PHGR1: variants seen among roughly 807,000 people sequenced by gnomAD.
PHGR1 encodes proline, histidine and glycine-rich protein 1.
Under a neutral mutation model 4.9 loss-of-function variants are expected in PHGR1, and 3 were observed. That is an observed-to-expected ratio of 0.61 (90% CI 0.28 to 1.58). The LOEUF (loss-of-function observed/expected upper bound fraction) is 1.58, where lower values mean the gene tolerates loss of function less well. Ranked by LOEUF, PHGR1 falls within the 40% of genes most tolerant of loss-of-function variation. The pLI, the probability that PHGR1 is intolerant of heterozygous loss-of-function variation, is 0.11. For synonymous variants in PHGR1, 32 were observed against 46.1 expected (o/e 0.69, Z 1.24); for missense variants, 81 against 118.7 (o/e 0.68, Z 1.48).
rs142731220 is a variant in PHGR1, at chr15:40,356,001, GA to G, written c.19-71del. 4,044 of 1,458,504 alleles carry G rather than the reference GA, an allele frequency of 2.8e-3. 103 individuals carry two copies. In the African/African-American group the frequency reaches 0.05, roughly 18 times the overall value. The allele number at this position is 1,458,504 out of a possible 1,614,324, so 90.3% of individuals were successfully genotyped here. On this transcript the variant is annotated intron_variant, in intron 3 of 3. Coordinates refer to ENST00000448599, the MANE Select transcript of PHGR1 (RefSeq NM_001145643.2). The stretch of plus-strand genomic sequence containing the variant: ...CCTGAGTCCCCCAGGGAAGTGGAGT[GA>G]GGGAGAGCTGATCTCAGGTAAGCTT...
At chr15:40,351,622 C>T (rs1030565009) in intron 1 of PHGR1, among the ~76,000 whole-genome samples, 8 of 152,160 alleles carry the variant, frequency 5.3e-5, no homozygotes, top group African/African-American at 1.9e-4. Flanking sequence ...AAATGGGTAG[C>T]TCAAGAGGTG....
At chr15:40,355,885 C>T (rs1436167578) in intron 3 of PHGR1, among the ~76,000 whole-genome samples, 188 bp from the exon 4 acceptor site, 1 of 152,224 alleles carries the variant, frequency 6.6e-6, no homozygotes, top group African/African-American at 2.4e-5. Context: ...CTTTTATCTG[C>T]TCAGTGTTCT....
At chr15:40,352,819 C>A (rs191957933) in intron 1 of PHGR1, among the ~76,000 whole-genome samples, 1 of 152,310 alleles carries the variant, frequency 6.6e-6, no homozygotes, top group African/African-American at 2.4e-5. Context: ...ACAAGCATAC[C>A]ATGACCTGGC....
chr15:40,354,374 T>A (rs1889256107), intron 3 of PHGR1, 22 bp downstream of exon 3: 1 of 1,533,270 alleles, frequency 6.5e-7, no homozygotes, highest in Non-Finnish European at 8.7e-7. Context: ...CCCCCAATGG[T>A]CTCCCCTTTT....
chr15:40,354,658 C>T (rs1889262040), intron 3 of PHGR1, among the ~76,000 whole-genome samples: 1 of 152,216 alleles, frequency 6.6e-6, no homozygotes, highest in Admixed American at 6.5e-5. Flanking sequence ...CCCGCCTGTG[C>T]TATGCTTTTC....
chr15:40,353,447 A>G, intron 2 of PHGR1, 180 bp downstream of exon 2: 2 of 736,836 alleles, frequency 2.7e-6, no homozygotes, highest in Non-Finnish European at 4.5e-6. Flanking sequence ...ACTGTAGAAC[A>G]TGTTACAGTT....
chr15:40,353,722 T>G, intron 2 of PHGR1: 1 of 189,862 alleles, frequency 5.3e-6, no homozygotes, highest in Admixed American at 5.4e-5. Flanking sequence ...ACCACTCAGG[T>G]GGGTGCTGCA....
rs1889292768 is a variant in PHGR1 at position 40,356,142 on chromosome 15, G to A, written c.88G>A (p.Gly30Arg). 6.5e-7 allele frequency: 1 copy of A among 1,543,910 alleles called. No homozygotes were observed. Among genetic ancestry groups the A allele is most frequent in the Non-Finnish European group, 8.7e-7 (1 of 1,143,560 alleles). ...CGGGCCACCCCCTGGCCATGGCCCAGGGCCCTGCGGGCCACCCCCCCACCA... is the reference window on the plus strand; with the variant it reads ...CGGGCCACCCCCTGGCCATGGCCCAAGGCCCTGCGGGCCACCCCCCCACCA... The part of the protein sequence containing the change: ...HCGPPPGHGP[G>R]PCGPPPHHGP... The change falls in exon 4 of 4, where the codon GGG (glycine) becomes AGG (arginine). Residue 30 changes from glycine to arginine, a missense_variant. By Grantham distance (125) the Gly-to-Arg change is moderately radical (BLOSUM62 -2). Transcript: ENST00000448599.
intron 1 of PHGR1, among the ~76,000 whole-genome samples, chr15:40,351,494 A>G (rs1166898690): frequency 4.6e-5 from 7 of 152,138 alleles, no homozygotes; most frequent in Non-Finnish European, 8.8e-5. Context: ...CCAGCCCCAT[A>G]GGTCTCTTCC....
At position 40,355,849 on chromosome 15, in the gene PHGR1, G is replaced by T. The variant is rs1376974802; in HGVS notation, c.19-224G>T. The stretch of plus-strand genomic sequence containing the variant: ...GAGTCATATCTTGGCTCAAAGAATA[G>T]AAACCAATAAATCTAGGTTGCTTGC... On this transcript the variant is annotated intron_variant, in intron 3 of 3. Transcript: ENST00000448599. Among the ~76,000 whole-genome samples, 6 of 152,186 alleles carry T rather than the reference G, an allele frequency of 3.9e-5. No homozygotes were observed. The South Asian group carries it at 1.0e-3, about 26-fold the overall frequency.
chr15:40,356,395 T>C lies in PHGR1; in HGVS notation c.*92T>C. 6.5e-7 allele frequency: 1 copy of C among 1,536,564 alleles called. No homozygotes were observed. Among genetic ancestry groups the C allele is most frequent in the Non-Finnish European group, 8.8e-7 (1 of 1,135,186 alleles). ...GGCCTAAACCACAATCTTCTCTTCC[T>C]AATAAACAGCCTCCTAGAGGCCACA... is the stretch of plus-strand genomic sequence containing the variant. On this transcript the variant is annotated 3_prime_UTR_variant, in exon 4 of 4. Transcript: ENST00000448599.
At chr15:40,353,034 G>A (rs1441453331) in intron 1 of PHGR1, among the ~76,000 whole-genome samples, 198 bp from the exon 2 acceptor site, 1 of 151,944 alleles carries the variant, frequency 6.6e-6, no homozygotes, top group Non-Finnish European at 1.5e-5. Context: ...CCCATGCCTG[G>A]CACCTACAGT....
At chr15:40,353,138 TGTGTGTGTGCGCGC>T (rs1889232764) in intron 1 of PHGR1, 80 bp from the exon 2 acceptor site, 2 of 924,290 alleles carry the variant, frequency 2.2e-6, no homozygotes, top group East Asian at 3.0e-5. Flanking sequence ...TGTGTGTGTG[TGTGTGTGTGCGCGC>T]GCGCGCGCAT....
intron 1 of PHGR1, among the ~76,000 whole-genome samples, chr15:40,352,188 G>C (rs996481211): frequency 1.3e-5 from 2 of 152,116 alleles, no homozygotes; most frequent in Admixed American, 1.3e-4. Context: ...GTATGACAAA[G>C]TGAGACTGTC....
At chr15:40,351,547 G>A (rs1889207317) in intron 1 of PHGR1, among the ~76,000 whole-genome samples, 1 of 152,186 alleles carries the variant, frequency 6.6e-6, no homozygotes, top group Non-Finnish European at 1.5e-5. Flanking sequence ...GAGCACGAAG[G>A]ACCATGGGTA....
rs1460866155 is a variant in PHGR1 at position 40,353,136 on chromosome 15, TGTGTGTGTGTGCGC to T, written c.-26-94_-26-81del. ...GTGTGTGTGTGTGTGTGTGTGTGTG[TGTGTGTGTGTGCGC>T]GCGCGCGCGCATCCGTGGGAGGGAG... is the stretch of plus-strand genomic sequence containing the variant. On this transcript the variant is annotated intron_variant, in intron 1 of 3. Transcript: ENST00000448599. 11 of 925,622 alleles carry T rather than the reference TGTGTGTGTGTGCGC, an allele frequency of 1.2e-5. No homozygotes were observed. In the South Asian group the frequency reaches 1.4e-4, roughly 12 times the overall value. 57.3% of individuals were successfully genotyped at this position (925,622 alleles called of 1,614,324 possible).
intron 3 of PHGR1, among the ~76,000 whole-genome samples, chr15:40,355,692 C>A (rs1219065895): frequency 6.6e-6 from 1 of 152,150 alleles, no homozygotes; most frequent in Non-Finnish European, 1.5e-5. Flanking sequence ...CTCCTAAGTA[C>A]AATGAGCCTG....
Position 40,354,345 on chromosome 15 carries a change from G to C in PHGR1, c.11G>C (p.Gly4Ala). 6.5e-7 allele frequency: 1 copy of C among 1,536,340 alleles called. No individual in the cohort carries two copies. The highest frequency in any genetic ancestry group is 8.7e-7 in the Non-Finnish European group (1 of 1,146,382). ...TTTTTTTTCCCTTCCTCTCCCACAG[G>C]TCCGAAGGTAGGAAAGTTCCCCCAA... is the stretch of plus-strand genomic sequence containing the variant. Reference protein sequence around the residue: MDPGPKGHCHCGGH... With the variant: MDPAPKGHCHCGGH... Residue 4 changes from glycine (G) to alanine (A), a missense_variant and splice_region_variant, in exon 3 of 4, where the codon GGT becomes GCT. Physicochemically the swap from Gly to Ala is moderately conservative, Grantham distance 60. Coordinates refer to ENST00000448599, the MANE Select transcript of PHGR1 (RefSeq NM_001145643.2).
In PHGR1 at chr15:40,355,919, G is replaced by C; in HGVS notation, c.19-154G>C. The C allele has an allele frequency of 3.8e-6, 3 of 790,586 alleles. No individual in the cohort carries two copies. The South Asian group carries it at 4.5e-5, about 12-fold the overall frequency. 49.0% of individuals were successfully genotyped at this position (790,586 alleles called of 1,614,324 possible). A position where few individuals can be genotyped will look rare whatever the true frequency, so the allele number is the denominator to read the frequency against. On this transcript the variant is annotated intron_variant, in intron 3 of 3. Coordinates refer to ENST00000448599, the MANE Select transcript of PHGR1 (RefSeq NM_001145643.2). ...CTGGCCTCACCAAGGCAAAAGGCAC[G>C]GGACATGCTACCCATGCCCCCAGCC...
Sources: allele counts gnomAD v4.1 joint callset (sites outside exome capture counted in the v4.1 genomes callset), GRCh38; gene constraint gnomAD v4.1.1; transcripts MANE v1.5; gene names NCBI Gene and HGNC (gene_info 2026-07-23, HGNC 2026-07-21).